VRK1: variants seen among roughly 807,000 people sequenced by gnomAD.
VRK1 encodes the protein serine/threonine-protein kinase VRK1.
A neutral mutation model predicts 57.1 loss-of-function variants in VRK1; 33 were observed. That is an observed-to-expected ratio of 0.58 (90% CI 0.44 to 0.77). The LOEUF (loss-of-function observed/expected upper bound fraction) is 0.77, where lower values mean the gene tolerates loss of function less well. Among genes scored for constraint, VRK1 ranks in the 30% least tolerant of loss-of-function variants. The pLI, the probability that VRK1 is intolerant of heterozygous loss-of-function variation, is 0.00. For synonymous variants in VRK1, 137 were observed against 147.8 expected (o/e 0.93, Z 0.53); for missense variants, 413 against 477.3 (o/e 0.87, Z 1.25).
At chr14:96,812,005 A>G (rs1024271785) in intron 1 of VRK1, among the ~76,000 whole-genome samples, 1 of 152,186 alleles carries the variant, frequency 6.6e-6, no homozygotes, top group Non-Finnish European at 1.5e-5. Flanking sequence ...CTATAAATTT[A>G]TCAATTCTGG....
intron 3 of VRK1, among the ~76,000 whole-genome samples, chr14:96,844,298 A>G (rs78067420): frequency 0.015 from 2,349 of 152,338 alleles, 187 homozygotes; most frequent in Admixed American, 0.13. Context: ...TCCATAAGTT[A>G]AGGAATCAGC....
chr14:96,857,782 C>T (rs1199578375), intron 10 of VRK1, among the ~76,000 whole-genome samples: 1 of 152,138 alleles, frequency 6.6e-6, no homozygotes, highest in African/African-American at 2.4e-5. Flanking sequence ...AAATTGCAAC[C>T]TACTCCCCAT....
chr14:96,798,521 T>C (rs935954494), intron 1 of VRK1, among the ~76,000 whole-genome samples: 2 of 152,246 alleles, frequency 1.3e-5, no homozygotes, highest in Admixed American at 1.3e-4. Context: ...ATGTTGGTTT[T>C]AGGGAACTGT....
At chr14:96,869,386 G>A (rs1437313986) in intron 11 of VRK1, among the ~76,000 whole-genome samples, 1 of 152,078 alleles carries the variant, frequency 6.6e-6, no homozygotes, top group African/African-American at 2.4e-5. Context: ...TAAGATCTTA[G>A]ATCTTTAAAA....
chr14:96,860,621 A>C lies in VRK1; in HGVS notation c.954A>C (p.Glu318Asp), dbSNP rs1293456677. ...ACTACACTGAAAAACCTCTTTATGA[A>C]AATTTACGTGACATTCTTTTGCAAG... The part of the protein sequence containing the change: ...LLDYTEKPLY[E>D]NLRDILLQGL... The change falls in exon 11 of 13, where the codon GAA becomes GAC. Residue 318 changes from glutamate (E) to aspartate (D), a missense_variant. Glu to Asp is a conservative substitution (Grantham distance 45). Coordinates refer to ENST00000216639, the MANE Select transcript of VRK1 (RefSeq NM_003384.3). 1 of 1,613,260 alleles carries C rather than the reference A, an allele frequency of 6.2e-7. No homozygotes were observed.
At chr14:96,876,208 C>G in intron 12 of VRK1, 88 bp downstream of exon 12, 3 of 1,241,812 alleles carry the variant, frequency 2.4e-6, no homozygotes, top group Non-Finnish European at 3.5e-6. Context: ...CTATTTGGGT[C>G]ATGACCTTTT....
chr14:96,827,395 C>G (rs1413238221), intron 1 of VRK1, among the ~76,000 whole-genome samples: 1 of 151,832 alleles, frequency 6.6e-6, no homozygotes, highest in Non-Finnish European at 1.5e-5. Flanking sequence ...TTTTTTTGTT[C>G]GTTTGTTTGT....
intron 12 of VRK1, among the ~76,000 whole-genome samples, chr14:96,878,192 T>TA: frequency 6.6e-6 from 1 of 152,324 alleles, no homozygotes; most frequent in East Asian, 1.9e-4. Flanking sequence ...TATCTGATGG[T>TA]AAAATATTAT....
chr14:96,829,644 A>C lies in VRK1; in HGVS notation c.-5-3823A>C, dbSNP rs895561176. Among the ~76,000 whole-genome samples, 5 of 152,318 alleles carry C rather than the reference A, an allele frequency of 3.3e-5. No individual in the cohort carries two copies. In the East Asian group the frequency reaches 9.6e-4, roughly 29 times the overall value. On this transcript the variant is annotated intron_variant, in intron 1 of 12. Coordinates refer to ENST00000216639, the MANE Select transcript of VRK1 (RefSeq NM_003384.3). ...TATCACATAATTACTCATTTGCATC[A>C]TTCCACATGTATGCACACAACAGTC...
In VRK1 at chr14:96,828,631, C is replaced by G. The variant is rs549737760; in HGVS notation, c.-5-4836C>G. On this transcript the variant is annotated intron_variant, in intron 1 of 12. Coordinates refer to ENST00000216639, the MANE Select transcript of VRK1 (RefSeq NM_003384.3). Reference sequence around the variant, plus strand: ...GTCTTGTTCCTAAATAAAATATTAGCAAATAGAATTCAGCAGCACACTAAA... The same window carrying G: ...GTCTTGTTCCTAAATAAAATATTAGGAAATAGAATTCAGCAGCACACTAAA... Among the ~76,000 whole-genome samples, 3 of 151,920 alleles carry G rather than the reference C, an allele frequency of 2.0e-5. No homozygotes were observed. The South Asian group carries it at 6.2e-4, about 32-fold the overall frequency.
At chr14:96,808,317 A>G (rs1885998711) in intron 1 of VRK1, among the ~76,000 whole-genome samples, 1 of 152,166 alleles carries the variant, frequency 6.6e-6, no homozygotes, top group African/African-American at 2.4e-5. Context: ...CTGCCTAGTC[A>G]GTCATTCCTG....
intron 1 of VRK1, among the ~76,000 whole-genome samples, chr14:96,827,670 A>G (rs975880143): frequency 6.6e-6 from 1 of 152,144 alleles, no homozygotes; most frequent in Non-Finnish European, 1.5e-5. Context: ...TGCTAGTTCC[A>G]TATTCCTTCA....
intron 7 of VRK1, 34 bp downstream of exon 7, chr14:96,853,200 G>A (rs1182365676): frequency 6.3e-7 from 1 of 1,577,084 alleles, no homozygotes; most frequent in Non-Finnish European, 8.7e-7. Flanking sequence ...ACTATTTAAA[G>A]CGTGTTGTTT....
At chr14:96,836,002 A>T (rs1887197260) in intron 2 of VRK1, among the ~76,000 whole-genome samples, 3 of 152,162 alleles carry the variant, frequency 2.0e-5, no homozygotes, top group African/African-American at 7.2e-5. Context: ...CCAGACTTTT[A>T]AAGAGTGGCA....
chr14:96,852,867 C>A lies in VRK1; in HGVS notation c.411C>A (p.Asp137Glu). 1.2e-6 allele frequency: 2 copies of A among 1,613,752 alleles called. No homozygotes were observed. The highest frequency in any genetic ancestry group is 1.7e-6 in the Non-Finnish European group (2 of 1,179,836). Residue 137 changes from aspartate to glutamate, a missense_variant, in exon 6 of 13, where the codon GAC becomes GAA. This residue lies in a region of VRK1 where 151 missense variants were observed against 225.5 expected (regional missense o/e 0.67). Coordinates refer to ENST00000216639, the MANE Select transcript of VRK1 (RefSeq NM_003384.3). ...TGATAATGGATCGCTTTGGGAGTGA[C>A]CTTCAGAAAATATATGAAGCAAATG... ...RFMIMDRFGS[D>E]LQKIYEANAK...
chr14:96,847,982 A>G (rs1185620401), intron 5 of VRK1, among the ~76,000 whole-genome samples: 1 of 152,240 alleles, frequency 6.6e-6, no homozygotes, highest in East Asian at 1.9e-4. Flanking sequence ...CACTTGATAC[A>G]TATTTGAATG....
chr14:96,819,768 A>G (rs10131630), intron 1 of VRK1, among the ~76,000 whole-genome samples: 94,958 of 151,998 alleles, frequency 0.62, 30,517 homozygotes, highest in African/African-American at 0.69. Flanking sequence ...TATGCTTGAA[A>G]AAGTGGTAGT....
At chr14:96,822,940 G>A (rs1886658139) in intron 1 of VRK1, among the ~76,000 whole-genome samples, 1 of 152,138 alleles carries the variant, frequency 6.6e-6, no homozygotes, top group African/African-American at 2.4e-5. Flanking sequence ...CTTACTCTTT[G>A]GTTGCCAGGT....
At chr14:96,832,927 C>T (rs186762803) in intron 1 of VRK1, among the ~76,000 whole-genome samples, 1 of 152,166 alleles carries the variant, frequency 6.6e-6, no homozygotes, top group Non-Finnish European at 1.5e-5. Flanking sequence ...TTAGTTTCCT[C>T]GAAATGGAGG....
Sources: allele counts gnomAD v4.1 joint callset (sites outside exome capture counted in the v4.1 genomes callset), GRCh38; gene constraint gnomAD v4.1.1; regional missense constraint gnomAD v4.1.1; transcripts MANE v1.5; gene names NCBI Gene and HGNC (gene_info 2026-07-23, HGNC 2026-07-21).